Variants in ENTPD3 observed in about 807,000 individuals in gnomAD.
The protein encoded by ENTPD3 is ectonucleoside triphosphate diphosphohydrolase 3.
In ENTPD3, 60 loss-of-function variants were observed where a neutral mutation model predicts 51.2. The ratio of observed to expected loss-of-function variants is 1.17; its 90% CI spans 0.95 to 1.45. The LOEUF (loss-of-function observed/expected upper bound fraction) is 1.45, where lower values mean the gene tolerates loss of function less well. Ranked by LOEUF, ENTPD3 falls within the 40% of genes most tolerant of loss-of-function variation. The probability of loss-of-function intolerance (pLI) is 0.00; values close to 1 mark genes in which losing one functional copy is unlikely to be tolerated. For synonymous variants in ENTPD3, 221 were observed against 238.4 expected (o/e 0.93, Z 0.67); for missense variants, 593 against 641.1 (o/e 0.93, Z 0.81).
At chr3:40,390,320 C>T (rs2125586193) in intron 2 of ENTPD3, among the ~76,000 whole-genome samples, 1 of 152,266 alleles carries the variant, frequency 6.6e-6, no homozygotes, top group East Asian at 1.9e-4. Context: ...ACTTCAACCT[C>T]CTGAGTAGCT....
chr3:40,394,048 CAAAAAAA>C lies in ENTPD3; in HGVS notation c.168+1918_168+1924del, dbSNP rs559701033. Among the ~76,000 whole-genome samples, 492 of 64,412 alleles carry C rather than the reference CAAAAAAA, an allele frequency of 7.6e-3. 6 individuals are homozygous for C. Among genetic ancestry groups the C allele is most frequent in the African/African-American group, 0.032 (438 of 13,796 alleles). 42.3% of individuals were successfully genotyped at this position (64,412 alleles called of 152,430 possible). A position where few individuals can be genotyped will look rare whatever the true frequency, so the allele number is the denominator to read the frequency against. On this transcript the variant is annotated intron_variant, in intron 3 of 10. Coordinates refer to ENST00000301825, the MANE Select transcript of ENTPD3 (RefSeq NM_001248.4). Reference sequence around the variant, plus strand: ...TGGGCAACAGAGCGAGACTCTGTCTCAAAAAAAAAAAAAAAAAAAAAAAAAAGGAACT... The same window carrying C: ...TGGGCAACAGAGCGAGACTCTGTCTCAAAAAAAAAAAAAAAAAAAGGAACT...
chr3:40,395,224 A>G (rs1955169492), intron 3 of ENTPD3, among the ~76,000 whole-genome samples: 1 of 152,244 alleles, frequency 6.6e-6, no homozygotes, highest in Non-Finnish European at 1.5e-5. Flanking sequence ...GGGCTGGTTA[A>G]GGCAGTTGCC....
intron 3 of ENTPD3, 149 bp downstream of exon 3, chr3:40,392,299 A>T: frequency 2.3e-6 from 2 of 884,954 alleles, no homozygotes; most frequent in South Asian, 3.6e-5. Flanking sequence ...GACGCAAGGG[A>T]GAAGGTCTGG....
intron 7 of ENTPD3, among the ~76,000 whole-genome samples, chr3:40,419,865 G>A (rs114903272): frequency 0.011 from 1,741 of 152,108 alleles, 21 homozygotes; most frequent in Middle Eastern, 0.041. Context: ...TTTCTCCCTC[G>A]AGCCCATTGA....
chr3:40,409,429 C>G (rs1575221478), intron 4 of ENTPD3, among the ~76,000 whole-genome samples: 1 of 152,212 alleles, frequency 6.6e-6, no homozygotes, highest in African/African-American at 2.4e-5. Flanking sequence ...GGTCATTGCC[C>G]CAGGAGGGAA....
At chr3:40,391,790 C>T (rs1955061273) in intron 2 of ENTPD3, 1 of 559,922 alleles carries the variant, frequency 1.8e-6, no homozygotes, top group Non-Finnish European at 3.1e-6. Context: ...CCCTGCAACA[C>T]TGTTTTAGTA....
rs1171864660 is a variant in ENTPD3 at position 40,422,830 on chromosome 3, C to A, written c.832-20C>A. 1.9e-6 allele frequency: 3 copies of A among 1,600,452 alleles called. No individual in the cohort carries two copies. Among genetic ancestry groups the A allele is most frequent in the South Asian group, 1.1e-5 (1 of 90,254 alleles). ...CCGCAATAAACATACGTGTCTAACA[C>A]CTTACTCTTATACCTACAGAATTCT... is the stretch of plus-strand genomic sequence containing the variant. On this transcript the variant is annotated intron_variant, in intron 7 of 10. Coordinates refer to ENST00000301825, the MANE Select transcript of ENTPD3 (RefSeq NM_001248.4).
intron 3 of ENTPD3, 46 bp downstream of exon 3, chr3:40,392,196 G>A (rs1447239832): frequency 6.3e-7 from 1 of 1,597,864 alleles, no homozygotes; most frequent in Non-Finnish European, 8.6e-7. Context: ...TGAGCATAAA[G>A]GGGAAGAAAT....
At chr3:40,416,225 G>A (rs138050260) in intron 7 of ENTPD3, 152 bp downstream of exon 7, 19 of 614,454 alleles carry the variant, frequency 3.1e-5, no homozygotes, top group Non-Finnish European at 2.9e-5. Context: ...GGGGGTCCAA[G>A]TCCCTTTCCT....
intron 4 of ENTPD3, among the ~76,000 whole-genome samples, chr3:40,402,219 A>G (rs966110680): frequency 5.6e-5 from 8 of 142,042 alleles, no homozygotes; most frequent in Non-Finnish European, 1.2e-4. Flanking sequence ...CCTGGGTTCA[A>G]GCGATTCTCC....
In ENTPD3 at chr3:40,409,659, C is replaced by T. The variant is rs143474706; in HGVS notation, c.287-2153C>T. On this transcript the variant is annotated intron_variant, in intron 4 of 10. Transcript: ENST00000301825. ...AAGGAGGCAGTGGCTCTATCAATTCCAAAGAAGGAAGTTTCCAGAGGGACC... is the reference window on the plus strand; with the variant it reads ...AAGGAGGCAGTGGCTCTATCAATTCTAAAGAAGGAAGTTTCCAGAGGGACC... 1.9e-3 allele frequency among the ~76,000 whole-genome samples: 283 copies of T among 152,258 alleles called. 1 individual carries two copies. Among genetic ancestry groups the T allele is most frequent in the African/African-American group, 6.6e-3 (276 of 41,544 alleles).
intron 10 of ENTPD3, 57 bp downstream of exon 10, chr3:40,424,020 G>A (rs1055621112): frequency 3.7e-6 from 6 of 1,610,928 alleles, no homozygotes; most frequent in Middle Eastern, 1.7e-4. Context: ...GTTTGTATGT[G>A]TGTGTGGAAC....
At chr3:40,389,749 C>T (rs983811145) in intron 2 of ENTPD3, among the ~76,000 whole-genome samples, 1 of 152,192 alleles carries the variant, frequency 6.6e-6, no homozygotes, top group African/African-American at 2.4e-5. Flanking sequence ...GACTGCCCTC[C>T]TGTAGCAAAT....
At chr3:40,414,464 G>T (rs1184250851) in intron 5 of ENTPD3, among the ~76,000 whole-genome samples, 1 of 152,164 alleles carries the variant, frequency 6.6e-6, no homozygotes, top group Non-Finnish European at 1.5e-5. Context: ...TTTCCTGCTT[G>T]GCAGTTTGAC....
intron 4 of ENTPD3, among the ~76,000 whole-genome samples, chr3:40,405,504 C>CA (rs11415995): frequency 0.37 from 53,758 of 147,050 alleles, 10,005 homozygotes; most frequent in East Asian, 0.59. Context: ...GACTTCATTT[C>CA]AAAAAAAAAA....
intron 2 of ENTPD3, among the ~76,000 whole-genome samples, chr3:40,389,202 T>C (rs1955004444): frequency 6.6e-6 from 1 of 152,240 alleles, no homozygotes; most frequent in South Asian, 2.1e-4. Context: ...CAAGTTTAAC[T>C]TGGCAGATTA....
Position 40,423,088 on chromosome 3 carries a change from G to A in ENTPD3, c.1070G>A (p.Gly357Glu). 3 of 1,613,640 alleles carry A rather than the reference G, an allele frequency of 1.9e-6. No homozygotes were observed. The South Asian group carries it at 3.3e-5, about 18-fold the overall frequency. ...GATCAAGAAACCTGTTCTTTTGATG[G>A]GGTTTATCAGCCAAAGATTAAAGGG... ...CHDQETCSFD[G>E]VYQPKIKGPF... The change falls in exon 8 of 11, where the codon GGG becomes GAG. Residue 357 changes from glycine to glutamate, a missense_variant. Transcript: ENST00000301825.
Position 40,389,393 on chromosome 3 carries a change from C to T in ENTPD3, c.40+1296C>T, listed in dbSNP as rs150207172. ...CCTCTTTACATGCTCTGCAGGTCAA[C>T]TCCATGGCAGTTGGCTCTCCTTTCC... On this transcript the variant is annotated intron_variant, in intron 2 of 10. Coordinates refer to ENST00000301825, the MANE Select transcript of ENTPD3 (RefSeq NM_001248.4). Among the ~76,000 whole-genome samples the T allele has an allele frequency of 2.9e-3, 435 of 152,320 alleles. 1 individual carries two copies. The highest frequency in any genetic ancestry group is 5.2e-3 in the Non-Finnish European group (357 of 68,026).
At chr3:40,402,126 T>TTTTTTTTC (rs1955376726) in intron 4 of ENTPD3, among the ~76,000 whole-genome samples, 1 of 127,114 alleles carries the variant, frequency 7.9e-6, no homozygotes, top group Non-Finnish European at 1.7e-5. Context: ...TTTTTTTCTT[T>TTTTTTTTC]TTTTTTTTTT....
Sources: gnomAD v4.1 joint callset for allele counts (sites outside exome capture counted in the v4.1 genomes callset) on GRCh38, gnomAD v4.1.1 for gene constraint, MANE v1.5 for transcripts, NCBI Gene and HGNC (gene_info 2026-07-23, HGNC 2026-07-21) for gene names.